The following CNTNAP2 variants were observed in gnomAD, a reference collection of about 807,000 sequenced individuals.
The protein encoded by CNTNAP2 is contactin associated protein 2, also known as contactin-associated protein-like 2.
A neutral mutation model predicts 155.2 loss-of-function variants in CNTNAP2; 98 were observed. The observed-to-expected ratio is 0.63, with a 90% CI of 0.54 to 0.75. The LOEUF is 0.75. CNTNAP2 is among the 30% of genes least tolerant of loss of function. The pLI is 0.00. For synonymous variants in CNTNAP2, 651 were observed against 631.2 expected, an observed-to-expected ratio of 1.03 and a Z score of -0.47; for missense variants, 1,727 against 1,688.1, an observed-to-expected ratio of 1.02 and a Z score of -0.40.
intron 3 of CNTNAP2, among the ~76,000 whole-genome samples, chr7:147,025,620 T>G (rs993604030): frequency 6.6e-6 from 1 of 151,642 alleles, no homozygotes; most frequent in Non-Finnish European, 1.5e-5. Flanking sequence ...CATATGAGAT[T>G]TGGGCAGGGA....
At chr7:146,155,227 G>A (rs1001194511) in intron 1 of CNTNAP2, among the ~76,000 whole-genome samples, 2 of 152,182 alleles carry the variant, frequency 1.3e-5, no homozygotes, top group African/African-American at 2.4e-5. Flanking sequence ...CACTTCCTTC[G>A]AACTGGGAAA....
intron 9 of CNTNAP2, among the ~76,000 whole-genome samples, chr7:147,302,546 A>G (rs1203180401): frequency 6.6e-6 from 1 of 152,228 alleles, no homozygotes; most frequent in African/African-American, 2.4e-5. Context: ...GCTGAATCCT[A>G]AGTGTGTAAG....
chr7:146,595,479 T>G (rs1798846753), intron 1 of CNTNAP2, among the ~76,000 whole-genome samples: 2 of 152,064 alleles, frequency 1.3e-5, no homozygotes, highest in Admixed American at 1.3e-4. Flanking sequence ...AACTTAAAGC[T>G]TATACCTCCA....
chr7:146,769,435 A>T (rs930409903), intron 1 of CNTNAP2, among the ~76,000 whole-genome samples: 1 of 152,218 alleles, frequency 6.6e-6, no homozygotes, highest in African/African-American at 2.4e-5. Flanking sequence ...AGTGATAACC[A>T]TTATTACAGT....
chr7:147,544,503 G>A (rs1799695617), intron 11 of CNTNAP2, among the ~76,000 whole-genome samples: 1 of 151,936 alleles, frequency 6.6e-6, no homozygotes, highest in African/African-American at 2.4e-5. Flanking sequence ...ATTGTTATAG[G>A]CTTTCAGAAA....
intron 3 of CNTNAP2, among the ~76,000 whole-genome samples, chr7:146,905,822 G>A (rs920376737): frequency 8.5e-5 from 13 of 152,252 alleles, no homozygotes; most frequent in African/African-American, 1.2e-4. Context: ...GAACAGCTCC[G>A]GGTCTACAGC....
At chr7:147,978,054 C>T (rs925515039) in intron 15 of CNTNAP2, 65 bp downstream of exon 15, 1 of 1,597,582 alleles carries the variant, frequency 6.3e-7, no homozygotes, top group African/African-American at 1.3e-5. Flanking sequence ...TTCCAGGCTC[C>T]TCAGAAGATG....
At chr7:146,487,388 T>C (rs1311616127) in intron 1 of CNTNAP2, among the ~76,000 whole-genome samples, 1 of 152,216 alleles carries the variant, frequency 6.6e-6, no homozygotes, top group East Asian at 1.9e-4. Context: ...AATGAAATCA[T>C]TGCAAACATA....
intron 18 of CNTNAP2, among the ~76,000 whole-genome samples, chr7:148,192,713 C>T (rs1235055247): frequency 6.6e-6 from 1 of 152,150 alleles, no homozygotes; most frequent in African/African-American, 2.4e-5. Flanking sequence ...ATGCCAACTA[C>T]TTTGAAATTT....
chr7:147,506,402 T>A (rs1798907274), intron 11 of CNTNAP2, among the ~76,000 whole-genome samples: 1 of 152,108 alleles, frequency 6.6e-6, no homozygotes, highest in Admixed American at 6.5e-5. Flanking sequence ...ATTACAGGCA[T>A]GCACCACCAT....
At chr7:146,459,511 A>G (rs1796606047) in intron 1 of CNTNAP2, among the ~76,000 whole-genome samples, 1 of 152,232 alleles carries the variant, frequency 6.6e-6, no homozygotes, top group Non-Finnish European at 1.5e-5. Context: ...CTTCAAAGGA[A>G]CTACCTTCTC....
chr7:147,106,481 TCA>T (rs940185732), intron 4 of CNTNAP2, among the ~76,000 whole-genome samples: 1 of 152,122 alleles, frequency 6.6e-6, no homozygotes, highest in Non-Finnish European at 1.5e-5. Flanking sequence ...CCTCTGTGAT[TCA>T]CAGTCTCAGA....
chr7:146,152,806 A>G (rs986525857), intron 1 of CNTNAP2, among the ~76,000 whole-genome samples: 1 of 152,140 alleles, frequency 6.6e-6, no homozygotes, highest in Non-Finnish European at 1.5e-5. Context: ...CTGTCTATGC[A>G]TGGATCAATC....
In CNTNAP2 at chr7:147,376,370, T is replaced by C. The variant is rs147883478; in HGVS notation, c.1499-19239T>C. Among the ~76,000 whole-genome samples, 7 of 152,020 alleles carry C rather than the reference T, an allele frequency of 4.6e-5. No individual in the cohort carries two copies. The East Asian group carries it at 1.4e-3, about 30-fold the overall frequency. ...TACTGAAGCACTGAGGGGAGGGACC[T>C]AGCATTTGGAGTAAGAAACAGTCAT... On this transcript the variant is annotated intron_variant, in intron 9 of 23. Coordinates refer to ENST00000361727, the MANE Select transcript of CNTNAP2 (RefSeq NM_014141.6).
At chr7:147,489,552 T>C (rs1249404765) in intron 11 of CNTNAP2, among the ~76,000 whole-genome samples, 1 of 152,180 alleles carries the variant, frequency 6.6e-6, no homozygotes, top group Non-Finnish European at 1.5e-5. Context: ...AAAATGATCA[T>C]GTTGAACAGT....
chr7:146,953,433 G>A (rs1296455757), intron 3 of CNTNAP2, among the ~76,000 whole-genome samples: 1 of 151,884 alleles, frequency 6.6e-6, no homozygotes, highest in African/African-American at 2.4e-5. Flanking sequence ...TAAATAAAAA[G>A]CGATGACATC....
chr7:147,261,857 T>C (rs894670941), intron 8 of CNTNAP2, among the ~76,000 whole-genome samples: 8 of 152,182 alleles, frequency 5.3e-5, no homozygotes, highest in African/African-American at 1.7e-4. Context: ...GATCATTAGA[T>C]AGGCAAGCAT....
chr7:146,932,583 C>T (rs1796798852), intron 3 of CNTNAP2, among the ~76,000 whole-genome samples: 1 of 151,980 alleles, frequency 6.6e-6, no homozygotes, highest in South Asian at 2.1e-4. Context: ...GAAGTTCTGG[C>T]CAGGGCAATT....
intron 18 of CNTNAP2, among the ~76,000 whole-genome samples, chr7:148,176,658 A>G (rs1794944201): frequency 6.6e-6 from 1 of 152,194 alleles, no homozygotes; most frequent in South Asian, 2.1e-4. Context: ...GGCGTTGTGG[A>G]AACCCTACAA....
Sources: gnomAD v4.1 joint callset for allele counts (sites outside exome capture counted in the v4.1 genomes callset) on GRCh38, gnomAD v4.1.1 for gene constraint, MANE v1.5 for transcripts, NCBI Gene and HGNC (gene_info 2026-07-23, HGNC 2026-07-21) for gene names.